Variants in CLGN observed in about 807,000 individuals in gnomAD.
CLGN encodes the protein testis tissue sperm-binding protein Li 79P.
Under a neutral mutation model 79.1 loss-of-function variants are expected in CLGN, and 62 were observed. That is an observed-to-expected ratio of 0.78 (90% confidence interval 0.64 to 0.97). CLGN has a LOEUF of 0.97. Ranked by LOEUF, CLGN falls within the 50% of genes least tolerant of loss-of-function variation. The pLI is 0.00. For synonymous variants in CLGN, 225 were observed against 224.7 expected (o/e 1.00, Z -0.01); for missense variants, 647 against 715.5 (o/e 0.90, Z 1.09).
intron 5 of CLGN, 48 bp downstream of exon 5, chr4:140,405,894 G>C (rs1480136883): frequency 1.3e-6 from 2 of 1,558,068 alleles, no homozygotes; most frequent in Non-Finnish European, 1.7e-6. Flanking sequence ...AGAAGCCAAA[G>C]CTAATACAAA....
At chr4:140,399,481 CA>C (rs1194135791) in intron 7 of CLGN, among the ~76,000 whole-genome samples, 1 of 152,140 alleles carries the variant, frequency 6.6e-6, no homozygotes, top group Non-Finnish European at 1.5e-5. Context: ...GGTGTTCCCC[CA>C]AATGCCTAGT....
intron 8 of CLGN, 120 bp from the exon 9 acceptor site, chr4:140,396,325 T>C: frequency 1.2e-6 from 1 of 854,260 alleles, no homozygotes; most frequent in Non-Finnish European, 1.8e-6. Flanking sequence ...TTATTTGTCC[T>C]CATCTACTAC....
chr4:140,408,006 A>G (rs974541090), intron 4 of CLGN, among the ~76,000 whole-genome samples: 3 of 152,100 alleles, frequency 2.0e-5, no homozygotes, highest in Non-Finnish European at 4.4e-5. Context: ...AACAGAATAA[A>G]GAACCAGAAA....
At chr4:140,423,736 C>T (rs1057514976) in intron 1 of CLGN, among the ~76,000 whole-genome samples, 15 of 152,156 alleles carry the variant, frequency 9.9e-5, no homozygotes, top group Non-Finnish European at 1.5e-4. Context: ...TCTACTTCTT[C>T]ATGATTAATC....
chr4:140,424,712 C>T (rs1380268896), intron 1 of CLGN, among the ~76,000 whole-genome samples: 2 of 152,166 alleles, frequency 1.3e-5, no homozygotes, highest in East Asian at 1.9e-4. Context: ...TTCCTCACTC[C>T]ATGAGGCTTG....
At chr4:140,393,568 A>G (rs358332) in intron 11 of CLGN, among the ~76,000 whole-genome samples, 9,797 of 152,196 alleles carry the variant, frequency 0.064, 395 homozygotes, top group African/African-American at 0.11. Context: ...TGAACAGTAA[A>G]TAAGCATTAA....
intron 13 of CLGN, among the ~76,000 whole-genome samples, chr4:140,391,645 C>T (rs1231770721): frequency 6.6e-6 from 1 of 151,822 alleles, no homozygotes; most frequent in East Asian, 1.9e-4. Flanking sequence ...TTTATTTCTA[C>T]CTTATGTAAG....
intron 1 of CLGN, among the ~76,000 whole-genome samples, chr4:140,418,589 A>G (rs1251659143): frequency 1.3e-5 from 2 of 150,722 alleles, no homozygotes; most frequent in African/African-American, 4.9e-5. Flanking sequence ...GCAGCCAAAA[A>G]ACACATGAAA....
rs570309700 is a variant in CLGN, at chr4:140,394,202, G to T, written c.1150-161C>A. On this transcript the variant is annotated intron_variant, in intron 10 of 14. Coordinates refer to ENST00000325617, the MANE Select transcript of CLGN (RefSeq NM_004362.3). ...AGTAATATACTGGATATAAAATCTTGTTTCTTTTGCTGTGTACACAATGTT... is the reference window on the plus strand; with the variant it reads ...AGTAATATACTGGATATAAAATCTTTTTTCTTTTGCTGTGTACACAATGTT... Among the ~76,000 whole-genome samples, 6 of 152,212 alleles carry T rather than the reference G, an allele frequency of 3.9e-5. No individual in the cohort carries two copies. In the South Asian group the frequency reaches 1.2e-3, roughly 32 times the overall value.
chr4:140,396,026 A>T, intron 9 of CLGN, 57 bp from the exon 10 acceptor site: 2 of 1,610,156 alleles, frequency 1.2e-6, no homozygotes, highest in South Asian at 2.2e-5. Flanking sequence ...TCAGTCATAT[A>T]AACTAGTAAC....
Position 140,389,002 on chromosome 4 carries a change from C to T in CLGN, c.*222G>A, listed in dbSNP as rs556079955. ...TCTAATGGTATTAATCTCTTAGATC[C>T]GATATGTAATGTGCCACTTTTATTC... On this transcript the variant is annotated 3_prime_UTR_variant, in exon 15 of 15. Coordinates refer to ENST00000325617, the MANE Select transcript of CLGN (RefSeq NM_004362.3). 41 of 503,802 alleles carry T rather than the reference C, an allele frequency of 8.1e-5. No homozygotes were observed. In the East Asian group the frequency reaches 8.9e-4, roughly 11 times the overall value. The allele number at this position is 503,802 out of a possible 1,614,324, so 31.2% of individuals were successfully genotyped here.
chr4:140,412,886 T>A (rs553488717), intron 2 of CLGN, 49 bp downstream of exon 2: 2 of 1,507,080 alleles, frequency 1.3e-6, no homozygotes, highest in East Asian at 4.5e-5. Context: ...AATCACTTCA[T>A]TGTACTATGT....
At position 140,396,118 on chromosome 4, in the gene CLGN, A is replaced by G. The variant is rs1728869126; in HGVS notation, c.972T>C (p.Asp324=). The change falls in exon 9 of 15, where the codon GAT becomes GAC. Residue 324 remains aspartate, a synonymous_variant. Transcript: ENST00000325617. ...WLDDEPKFIP[D]PNAEKPDDWN... is the part of the protein sequence containing the mutation. The stretch of plus-strand genomic sequence containing the variant: ...AGTCATCAGGTTTTTCAGCATTAGG[A>G]TCAGGGATAAATTTTGGTTCATCAT... 1 of 1,614,078 alleles carries G rather than the reference A, an allele frequency of 6.2e-7. No individual in the cohort carries two copies. Among genetic ancestry groups the G allele is most frequent in the Non-Finnish European group, 8.5e-7 (1 of 1,180,026 alleles).
At chr4:140,391,365 T>C (rs1212236689) in intron 13 of CLGN, among the ~76,000 whole-genome samples, 1 of 151,696 alleles carries the variant, frequency 6.6e-6, no homozygotes, top group Non-Finnish European at 1.5e-5. Flanking sequence ...TTAAATTCCC[T>C]CTAAATAAGG....
chr4:140,398,785 C>T (rs1360453041), intron 8 of CLGN, 66 bp downstream of exon 8: 1 of 1,359,520 alleles, frequency 7.4e-7, no homozygotes, highest in Non-Finnish European at 1.0e-6. Context: ...TTGTAAACTT[C>T]ACTTATATGT....
intron 5 of CLGN, among the ~76,000 whole-genome samples, chr4:140,403,693 A>G (rs540178703): frequency 4.6e-5 from 7 of 152,230 alleles, no homozygotes; most frequent in Non-Finnish European, 8.8e-5. Context: ...ACACAGTTTC[A>G]TTGTTCCATT....
Position 140,413,065 on chromosome 4 carries a change from G to C in CLGN, c.14C>G (p.Ala5Gly), listed in dbSNP as rs749908305. Reference sequence around the variant, plus strand: ...CAGAAGACCCAAACATAGCCAAAAGGCTTGGAAATGCATATTGATTATCTG... The same window carrying C: ...CAGAAGACCCAAACATAGCCAAAAGCCTTGGAAATGCATATTGATTATCTG... MHFQ[A>G]FWLCLGLLFI... Residue 5 changes from alanine to glycine, a missense_variant, in exon 2 of 15, where the codon GCC becomes GGC. Physicochemically the swap from Ala to Gly is moderately conservative, Grantham distance 60 (BLOSUM62 0). Coordinates refer to ENST00000325617, the MANE Select transcript of CLGN (RefSeq NM_004362.3). The C allele has an allele frequency of 1.9e-6, 3 of 1,608,768 alleles. No individual in the cohort carries two copies. In the Admixed American group the frequency reaches 5.1e-5, roughly 27 times the overall value.
At chr4:140,405,058 A>G (rs1729074146) in intron 5 of CLGN, among the ~76,000 whole-genome samples, 1 of 151,940 alleles carries the variant, frequency 6.6e-6, no homozygotes, top group African/African-American at 2.4e-5. Context: ...ATTCATAAAC[A>G]TTTATTTTTG....
chr4:140,405,285 C>T (rs1159763535), intron 5 of CLGN, among the ~76,000 whole-genome samples: 5 of 146,564 alleles, frequency 3.4e-5, no homozygotes, highest in African/African-American at 7.5e-5. Context: ...CCCGGGTTCA[C>T]GCCATTCTCC....
Sources: gnomAD v4.1 joint callset for allele counts (sites outside exome capture counted in the v4.1 genomes callset) on GRCh38, gnomAD v4.1.1 for gene constraint, MANE v1.5 for transcripts, NCBI Gene and HGNC (gene_info 2026-07-23, HGNC 2026-07-21) for gene names.